The following AGBL1 variants were observed in gnomAD, a reference collection of about 807,000 sequenced individuals.
The protein encoded by AGBL1 is AGBL carboxypeptidase 1, also known as cytosolic carboxypeptidase 4.
AGBL1 carries 130 observed loss-of-function variants against 118.9 expected under a neutral mutation model. The ratio of observed to expected loss-of-function variants is 1.09; its 90% CI spans 0.95 to 1.26. The LOEUF (loss-of-function observed/expected upper bound fraction) is 1.26. AGBL1 is among the 50% of genes most tolerant of loss of function. AGBL1 has a pLI of 0.00. For synonymous variants in AGBL1, 555 were observed against 478.9 expected, an observed-to-expected ratio of 1.16 and a Z score of -2.08; for missense variants, 1,584 against 1,298.1, an observed-to-expected ratio of 1.22 and a Z score of -3.38.
At chr15:86,335,163 A>C (rs995219856) in intron 17 of AGBL1, among the ~76,000 whole-genome samples, 4 of 149,944 alleles carry the variant, frequency 2.7e-5, no homozygotes, top group Admixed American at 1.3e-4. Context: ...TTTGAGACGG[A>C]GTTTCGCTCT....
intron 17 of AGBL1, among the ~76,000 whole-genome samples, chr15:86,365,034 CAT>C (rs2080866650): frequency 2.7e-5 from 3 of 111,360 alleles, no homozygotes; most frequent in Non-Finnish European, 3.8e-5. Flanking sequence ...TATACACACA[CAT>C]ATATATACAC....
intron 22 of AGBL1, among the ~76,000 whole-genome samples, chr15:86,868,872 T>C (rs981016376): frequency 9.2e-5 from 14 of 151,862 alleles, no homozygotes; most frequent in Non-Finnish European, 1.6e-4. Context: ...TGGAAAAAAA[T>C]AGAATAGAAA....
At chr15:86,478,804 G>A (rs2142118446) in intron 18 of AGBL1, among the ~76,000 whole-genome samples, 1 of 152,266 alleles carries the variant, frequency 6.6e-6, no homozygotes, top group African/African-American at 2.4e-5. Flanking sequence ...AACAAAGCTG[G>A]AGGCATCTCA....
rs369895131 is a variant in AGBL1 at position 86,135,105 on chromosome 15, T to A, written c.52-6899T>A. Among the ~76,000 whole-genome samples the A allele has an allele frequency of 1.6e-3, 242 of 152,128 alleles. 4 individuals are homozygous for A. In the South Asian group the frequency reaches 0.047, roughly 29 times the overall value. On this transcript the variant is annotated intron_variant, in intron 1 of 22. Coordinates refer to ENST00000614907, the MANE Select transcript of AGBL1 (RefSeq NM_001386094.1). ...GAGGTGTTTGGATCGTAGGGGCAGA[T>A]CCCCCATGAATGGCTGAGTGCCACT... is the stretch of plus-strand genomic sequence containing the variant.
intron 22 of AGBL1, among the ~76,000 whole-genome samples, chr15:86,786,151 A>C (rs2074196388): frequency 6.6e-6 from 1 of 152,044 alleles, no homozygotes; most frequent in Admixed American, 6.6e-5. Flanking sequence ...ACATGTGCAC[A>C]GTGTGCAGGT....
At chr15:86,940,258 T>G (rs998676729) in intron 23 of AGBL1, among the ~76,000 whole-genome samples, 2 of 151,980 alleles carry the variant, frequency 1.3e-5, no homozygotes, top group African/African-American at 4.8e-5. Flanking sequence ...TGAAACACAC[T>G]TTCTTTTAGA....
At chr15:86,236,869 C>T (rs1450537267) in intron 6 of AGBL1, among the ~76,000 whole-genome samples, 1 of 145,998 alleles carries the variant, frequency 6.8e-6, no homozygotes, top group East Asian at 2.1e-4. Context: ...ACCCTCCCAC[C>T]CTAGCCTTTT....
intron 17 of AGBL1, among the ~76,000 whole-genome samples, chr15:86,323,805 G>T (rs990365478): frequency 2.0e-5 from 3 of 152,170 alleles, no homozygotes; most frequent in Non-Finnish European, 2.9e-5. Context: ...TGGACCATTG[G>T]TGCTCAGTTT....
intron 22 of AGBL1, among the ~76,000 whole-genome samples, chr15:86,766,756 C>A (rs1295200157): frequency 6.6e-6 from 1 of 151,880 alleles, no homozygotes; most frequent in African/African-American, 2.4e-5. Flanking sequence ...AAAATCTGGT[C>A]ATTTGGGCCT....
intron 1 of AGBL1, among the ~76,000 whole-genome samples, chr15:86,106,809 G>T (rs554652248): frequency 4.9e-4 from 75 of 152,332 alleles, no homozygotes; most frequent in Non-Finnish European, 9.0e-4. Flanking sequence ...TGCTGTACTT[G>T]CTAGTTCTTG....
intron 22 of AGBL1, among the ~76,000 whole-genome samples, chr15:86,744,829 A>G (rs72765754): frequency 0.014 from 2,131 of 152,232 alleles, 28 homozygotes; most frequent in Non-Finnish European, 0.022. Flanking sequence ...CCTTTAACTC[A>G]TTATAATTTT....
chr15:86,601,219 G>C (rs1283896178), intron 21 of AGBL1, among the ~76,000 whole-genome samples: 1 of 152,126 alleles, frequency 6.6e-6, no homozygotes, highest in Non-Finnish European at 1.5e-5. Context: ...AAGTTACATA[G>C]ATTTAATTAA....
chr15:86,991,645 G>A (rs1226704373), intron 24 of AGBL1, among the ~76,000 whole-genome samples: 1 of 152,094 alleles, frequency 6.6e-6, no homozygotes, highest in East Asian at 1.9e-4. Flanking sequence ...TAGGATTTGA[G>A]CCTGGATGTG....
chr15:86,805,932 G>A (rs1036595398), intron 22 of AGBL1, among the ~76,000 whole-genome samples: 1 of 152,126 alleles, frequency 6.6e-6, no homozygotes, highest in African/African-American at 2.4e-5. Context: ...TTAGAGCTCT[G>A]TAACAGCACA....
chr15:86,867,215 C>A (rs1014995703), intron 22 of AGBL1, among the ~76,000 whole-genome samples: 17 of 152,124 alleles, frequency 1.1e-4, no homozygotes, highest in African/African-American at 3.6e-4. Context: ...AATTATAGAA[C>A]TCATTGAAGG....
chr15:86,322,943 T>C (rs1368456044), intron 17 of AGBL1, among the ~76,000 whole-genome samples: 1 of 152,212 alleles, frequency 6.6e-6, no homozygotes, highest in African/African-American at 2.4e-5. Flanking sequence ...ACCAGCTTTT[T>C]GCAGTGGTCT....
At chr15:86,243,202 C>T (rs2078666671) in intron 6 of AGBL1, among the ~76,000 whole-genome samples, 1 of 152,166 alleles carries the variant, frequency 6.6e-6, no homozygotes, top group Admixed American at 6.5e-5. Flanking sequence ...ATTAAAACTA[C>T]AGAAAACTCT....
intron 22 of AGBL1, among the ~76,000 whole-genome samples, chr15:86,827,470 CAT>C (rs1167706343): frequency 0.024 from 137 of 5,818 alleles, 30 homozygotes; most frequent in East Asian, 0.082. Flanking sequence ...TATATATATA[CAT>C]ATATATATAT....
intron 11 of AGBL1, among the ~76,000 whole-genome samples, chr15:86,265,169 A>G (rs2079052989): frequency 6.6e-6 from 1 of 152,240 alleles, no homozygotes; most frequent in African/African-American, 2.4e-5. Context: ...CTTCCTCAAA[A>G]GTAGGTTTTC....
Sources: gnomAD v4.1 joint callset for allele counts (sites outside exome capture counted in the v4.1 genomes callset) on GRCh38, gnomAD v4.1.1 for gene constraint, MANE v1.5 for transcripts, NCBI Gene and HGNC (gene_info 2026-07-23, HGNC 2026-07-21) for gene names.